GALNT13: variants seen among roughly 807,000 people sequenced by gnomAD.
GALNT13 encodes the protein UDP-GalNAc:polypeptide N-acetylgalactosaminyltransferase 13.
In GALNT13, 28 loss-of-function variants were observed where a neutral mutation model predicts 64.2. That is an observed-to-expected ratio of 0.44 (90% CI 0.32 to 0.60). The LOEUF is 0.60. GALNT13 is among the 20% of genes least tolerant of loss of function. The pLI is 0.05. For missense variants in GALNT13, 577 were observed against 669.8 expected, an observed-to-expected ratio of 0.86 and a Z score of 1.53; for synonymous variants, 214 against 224.6, an observed-to-expected ratio of 0.95 and a Z score of 0.42.
chr2:153,755,973 A>T, the GALNT13 span, among the ~76,000 whole-genome samples: 1 of 152,134 alleles, frequency 6.6e-6, no homozygotes, highest in East Asian at 1.9e-4. Context: ...CATTCTCCGC[A>T]ACATTTTCAA....
chr2:154,068,903 T>G (rs1700602404), intron 3 of GALNT13, among the ~76,000 whole-genome samples: 1 of 152,088 alleles, frequency 6.6e-6, no homozygotes, highest in South Asian at 2.1e-4. Flanking sequence ...TTATTTAATA[T>G]AATCAGATTG....
At chr2:153,339,332 C>T in the GALNT13 span, among the ~76,000 whole-genome samples, 15 of 152,164 alleles carry the variant, frequency 9.9e-5, no homozygotes, top group African/African-American at 3.6e-4. Flanking sequence ...GACAATATCT[C>T]AATGTGGTTT....
At chr2:153,855,772 ATACT>A in the GALNT13 span, among the ~76,000 whole-genome samples, 1 of 152,194 alleles carries the variant, frequency 6.6e-6, no homozygotes, top group Non-Finnish European at 1.5e-5. Context: ...ATCCACACAA[ATACT>A]TACAAGTGAA....
chr2:153,549,593 G>C, the GALNT13 span, among the ~76,000 whole-genome samples: 2 of 152,136 alleles, frequency 1.3e-5, no homozygotes, highest in African/African-American at 4.8e-5. Flanking sequence ...TGGTAAGAGG[G>C]ACCATGGGGG....
At chr2:153,813,337 GTTAC>G in the GALNT13 span, among the ~76,000 whole-genome samples, 1 of 152,158 alleles carries the variant, frequency 6.6e-6, no homozygotes, top group African/African-American at 2.4e-5. Context: ...GCATTGGTAA[GTTAC>G]TTAAAGTATA....
chr2:153,831,584 C>A, the GALNT13 span, among the ~76,000 whole-genome samples: 1 of 151,806 alleles, frequency 6.6e-6, no homozygotes. Flanking sequence ...AACCCAGCAC[C>A]GTTGCCAATG....
At chr2:154,276,179 T>G (rs1312360153) in intron 8 of GALNT13, among the ~76,000 whole-genome samples, 1 of 151,856 alleles carries the variant, frequency 6.6e-6, no homozygotes, top group Non-Finnish European at 1.5e-5. Flanking sequence ...TGGATGCTTT[T>G]CTTTTCTTTT....
At chr2:153,505,800 T>C in the GALNT13 span, among the ~76,000 whole-genome samples, 4 of 152,172 alleles carry the variant, frequency 2.6e-5, no homozygotes, top group African/African-American at 9.7e-5. Flanking sequence ...TGGAGAATGT[T>C]CCGTGTGTTA....
chr2:153,913,239 C>T (rs528679158), intron 2 of GALNT13, among the ~76,000 whole-genome samples: 9 of 152,190 alleles, frequency 5.9e-5, no homozygotes, highest in Admixed American at 3.3e-4. Flanking sequence ...GCAGGGCAGG[C>T]GGCTTTCATG....
At chr2:153,884,746 C>CA (rs1321488850) in intron 1 of GALNT13, among the ~76,000 whole-genome samples, 1 of 141,588 alleles carries the variant, frequency 7.1e-6, no homozygotes, top group Non-Finnish European at 1.5e-5. Context: ...TGGTGAAACC[C>CA]AGTCTGTACT....
intron 2 of GALNT13, among the ~76,000 whole-genome samples, chr2:153,907,555 C>T (rs1015802879): frequency 1.3e-5 from 2 of 151,790 alleles, no homozygotes; most frequent in Non-Finnish European, 2.9e-5. Flanking sequence ...TACCTCCTGC[C>T]ACCCTCTATC....
the GALNT13 span, among the ~76,000 whole-genome samples, chr2:153,261,458 G>T: frequency 6.6e-6 from 1 of 152,118 alleles, no homozygotes; most frequent in Non-Finnish European, 1.5e-5. Flanking sequence ...AGTACCAAGG[G>T]TAAGATCCAG....
intron 3 of GALNT13, among the ~76,000 whole-genome samples, chr2:153,952,579 C>T (rs1325904007): frequency 6.6e-6 from 1 of 152,020 alleles, no homozygotes; most frequent in Non-Finnish European, 1.5e-5. Context: ...TTCTTATCAT[C>T]ACAGAGGGCA....
At chr2:153,191,064 T>C in the GALNT13 span, among the ~76,000 whole-genome samples, 2 of 152,118 alleles carry the variant, frequency 1.3e-5, no homozygotes, top group Non-Finnish European at 2.9e-5. Context: ...TGCTCTTTAT[T>C]TCATTCTCTT....
chr2:153,790,125 A>T, the GALNT13 span, among the ~76,000 whole-genome samples: 5 of 152,170 alleles, frequency 3.3e-5, no homozygotes, highest in African/African-American at 1.2e-4. Flanking sequence ...GCAGAGACAA[A>T]ACAAAAAAGA....
At chr2:153,440,309 C>T in the GALNT13 span, among the ~76,000 whole-genome samples, 17 of 152,214 alleles carry the variant, frequency 1.1e-4, no homozygotes, top group Admixed American at 3.9e-4. Flanking sequence ...CATAGTATTC[C>T]GTCGTGTATA....
chr2:154,199,671 T>TA (rs150163821), intron 4 of GALNT13, among the ~76,000 whole-genome samples: 1,997 of 152,078 alleles, frequency 0.013, 38 homozygotes, highest in African/African-American at 0.045. Context: ...TATCTATTAG[T>TA]AAAAAAACAG....
chr2:153,415,200 G>C, the GALNT13 span, among the ~76,000 whole-genome samples: 1 of 152,136 alleles, frequency 6.6e-6, no homozygotes, highest in African/African-American at 2.4e-5. Flanking sequence ...GCCACATATA[G>C]TCTTGTATGT....
chr2:153,560,103 A>C, the GALNT13 span, among the ~76,000 whole-genome samples: 1 of 151,944 alleles, frequency 6.6e-6, no homozygotes, highest in East Asian at 1.9e-4. Flanking sequence ...CATCTTTTGC[A>C]TTTTGCACCC....
Sources: allele counts gnomAD v4.1 joint callset (sites outside exome capture counted in the v4.1 genomes callset), GRCh38; gene constraint gnomAD v4.1.1; transcripts MANE v1.5; gene names NCBI Gene and HGNC (gene_info 2026-07-23, HGNC 2026-07-21).